NBEA: variants seen among roughly 807,000 people sequenced by gnomAD.
NBEA encodes the protein neurobeachin, also known as lysosomal-trafficking regulator 2.
In NBEA, 44 loss-of-function variants were observed where a neutral mutation model predicts 343.4. That is an observed-to-expected ratio of 0.13 (90% CI 0.10 to 0.16). The LOEUF is 0.16. Among genes scored for constraint, NBEA ranks in the 10% least tolerant of loss-of-function variants. The pLI is 1.00. For synonymous variants in NBEA, 1,175 were observed against 1,238.7 expected, an observed-to-expected ratio of 0.95 and a Z score of 1.08; for missense variants, 2,555 against 3,631.3, an observed-to-expected ratio of 0.70 and a Z score of 7.62.
At chr13:35,519,539 A>AT (rs1281193418) in intron 41 of NBEA, among the ~76,000 whole-genome samples, 40 of 152,206 alleles carry the variant, frequency 2.6e-4, no homozygotes, top group Middle Eastern at 3.4e-3. Flanking sequence ...AGTTTCATTT[A>AT]TTTTTTAACA....
chr13:35,464,185 C>T (rs972883230), intron 40 of NBEA, among the ~76,000 whole-genome samples: 1 of 151,996 alleles, frequency 6.6e-6, no homozygotes, highest in Admixed American at 6.6e-5. Context: ...AAAGGGTAAA[C>T]CCCAGTGCTC....
chr13:35,406,337 G>A (rs920277956), intron 38 of NBEA, among the ~76,000 whole-genome samples: 3 of 151,158 alleles, frequency 2.0e-5, no homozygotes, highest in South Asian at 4.2e-4. Context: ...GTTTTGGGGG[G>A]AAAAGATGGT....
At position 35,519,454 on chromosome 13, in the gene NBEA, T is replaced by G. The variant is rs372657211; in HGVS notation, c.6586-31023T>G. Among the ~76,000 whole-genome samples, 18 of 152,300 alleles carry G rather than the reference T, an allele frequency of 1.2e-4. No homozygotes were observed. In the South Asian group the frequency reaches 3.7e-3, roughly 32 times the overall value. ...TACCCATCATGGTGACATACCCAAA[T>G]GTTCATATACTAGTGCTTTTGATTA... is the stretch of plus-strand genomic sequence containing the variant. On this transcript the variant is annotated intron_variant, in intron 41 of 58. Transcript: ENST00000379939.
At chr13:35,165,066 A>G (rs1364762325) in intron 24 of NBEA, 2 of 533,842 alleles carry the variant, frequency 3.7e-6, no homozygotes, top group East Asian at 5.5e-5. Context: ...GGGAAAGAAT[A>G]TAGAATTTTG....
chr13:35,627,636 G>T (rs944339246), intron 48 of NBEA, among the ~76,000 whole-genome samples: 10 of 151,946 alleles, frequency 6.6e-5, no homozygotes, highest in Admixed American at 5.9e-4. Context: ...AGGACTTCAG[G>T]CAGGAAAATA....
At chr13:35,348,766 C>T (rs2040016818) in intron 36 of NBEA, among the ~76,000 whole-genome samples, 1 of 151,972 alleles carries the variant, frequency 6.6e-6, no homozygotes, top group South Asian at 2.1e-4. Flanking sequence ...GGTCATTGAA[C>T]TTATCTGTGA....
At chr13:35,286,366 A>G (rs11842110) in intron 34 of NBEA, among the ~76,000 whole-genome samples, 10,279 of 152,114 alleles carry the variant, frequency 0.068, 745 homozygotes, top group East Asian at 0.17. Context: ...AATATATTCA[A>G]AGCAATCATA....
At chr13:35,053,543 C>G (rs1448960461) in intron 6 of NBEA, among the ~76,000 whole-genome samples, 1 of 152,034 alleles carries the variant, frequency 6.6e-6, no homozygotes, top group East Asian at 1.9e-4. Flanking sequence ...TTTAGATACT[C>G]TCTATTCTCA....
At chr13:35,596,658 T>G (rs1271372196) in intron 47 of NBEA, among the ~76,000 whole-genome samples, 1 of 152,190 alleles carries the variant, frequency 6.6e-6, no homozygotes, top group Non-Finnish European at 1.5e-5. Flanking sequence ...CCCTCTAGCC[T>G]AGTCTTGGTA....
intron 41 of NBEA, among the ~76,000 whole-genome samples, chr13:35,495,733 A>G (rs1485583459): frequency 1.3e-5 from 2 of 152,102 alleles, no homozygotes; most frequent in African/African-American, 4.8e-5. Flanking sequence ...AACATTCTCC[A>G]GGATAAACCA....
chr13:35,344,008 G>A (rs1258478907), intron 36 of NBEA, among the ~76,000 whole-genome samples: 1 of 152,022 alleles, frequency 6.6e-6, no homozygotes, highest in East Asian at 1.9e-4. Flanking sequence ...TGCCAAAAAG[G>A]TTGGGAACTG....
Position 35,671,391 on chromosome 13 carries a change from A to T in NBEA, c.*400A>T. 8.8e-6 allele frequency: 1 copy of T among 113,762 alleles called. No individual in the cohort carries two copies. The highest frequency in any genetic ancestry group is 1.9e-5 in the Non-Finnish European group (1 of 51,788). The allele number at this position is 113,762 out of a possible 1,614,324, so 7.0% of individuals were successfully genotyped here. A position where few individuals can be genotyped will look rare whatever the true frequency, so the allele number is the denominator to read the frequency against. On this transcript the variant is annotated 3_prime_UTR_variant, in exon 59 of 59. Coordinates refer to ENST00000379939, the MANE Select transcript of NBEA (RefSeq NM_001385012.1). Reference sequence around the variant, plus strand: ...TTTCCAGCCTCTTTTCAAGCTGAGAAAAAAAAAAAAAAACACGTTTGATAC... The same window carrying T: ...TTTCCAGCCTCTTTTCAAGCTGAGATAAAAAAAAAAAAACACGTTTGATAC...
chr13:35,338,645 A>G (rs2039407408), intron 36 of NBEA, among the ~76,000 whole-genome samples: 1 of 152,034 alleles, frequency 6.6e-6, no homozygotes, highest in Non-Finnish European at 1.5e-5. Context: ...TACCAAACCC[A>G]GATAAAGTCG....
At chr13:35,655,075 A>G (rs754339813) in intron 54 of NBEA, 65 bp downstream of exon 54, 177 of 1,262,474 alleles carry the variant, frequency 1.4e-4, no homozygotes, top group Non-Finnish European at 1.8e-4. Context: ...AAAGCTGAAT[A>G]TGAAATCATA....
At chr13:34,994,861 A>G (rs536996076) in intron 1 of NBEA, among the ~76,000 whole-genome samples, 1 of 152,182 alleles carries the variant, frequency 6.6e-6, no homozygotes, top group Non-Finnish European at 1.5e-5. Context: ...CTGCTATCTG[A>G]AGTATCTGAC....
At chr13:35,502,631 G>T (rs898280876) in intron 41 of NBEA, among the ~76,000 whole-genome samples, 17 of 151,958 alleles carry the variant, frequency 1.1e-4, no homozygotes, top group Admixed American at 2.0e-4. Flanking sequence ...GGGTTTGTGG[G>T]TCTGTACATT....
Position 35,014,730 on chromosome 13 carries a change from G to C in NBEA, c.295-26203G>C, listed in dbSNP as rs576237161. Among the ~76,000 whole-genome samples, 7 of 150,622 alleles carry C rather than the reference G, an allele frequency of 4.6e-5. No individual in the cohort carries two copies. The East Asian group carries it at 1.2e-3, about 26-fold the overall frequency. On this transcript the variant is annotated intron_variant, in intron 1 of 58. Transcript: ENST00000379939. ...TGCAAACACAGAAGCTTCTTGGTGGGAGCAGACACCAGACAAACAGGCCAA... is the reference window on the plus strand; with the variant it reads ...TGCAAACACAGAAGCTTCTTGGTGGCAGCAGACACCAGACAAACAGGCCAA...
At position 35,159,591 on chromosome 13, in the gene NBEA, C is replaced by T. The variant is rs764982540; in HGVS notation, c.3420C>T (p.Pro1140=). The T allele has an allele frequency of 3.1e-6, 5 of 1,611,606 alleles. No homozygotes were observed. The highest frequency in any genetic ancestry group is 8.5e-7 in the Non-Finnish European group (1 of 1,179,036). The part of the protein sequence containing the change: ...ITLADEKEDL[P]NSSTSFLFDK... The stretch of plus-strand genomic sequence containing the variant: ...TAGCAGATGAGAAAGAAGACCTTCC[C>T]AATAGTAGTACATCATTTCTCTTTG... Residue 1140 remains proline (P), a synonymous_variant, in exon 22 of 59, where the codon CCC becomes CCT. Coordinates refer to ENST00000379939, the MANE Select transcript of NBEA (RefSeq NM_001385012.1).
intron 34 of NBEA, among the ~76,000 whole-genome samples, chr13:35,249,084 G>A (rs1469713784): frequency 6.0e-5 from 9 of 150,658 alleles, no homozygotes; most frequent in Non-Finnish European, 1.2e-4. Context: ...GGGAGGCGGA[G>A]GTTGCAGTGA....
Sources: gnomAD v4.1 joint callset for allele counts (sites outside exome capture counted in the v4.1 genomes callset) on GRCh38, gnomAD v4.1.1 for gene constraint, MANE v1.5 for transcripts, NCBI Gene and HGNC (gene_info 2026-07-23, HGNC 2026-07-21) for gene names.